Variants in TOM1L1 observed in about 807,000 individuals in gnomAD.
TOM1L1 encodes TOM1-like protein 1.
A neutral mutation model predicts 63.4 loss-of-function variants in TOM1L1; 64 were observed. The ratio of observed to expected loss-of-function variants is 1.01; its 90% CI spans 0.83 to 1.24. The LOEUF is 1.24. TOM1L1 is among the 50% of genes most tolerant of loss of function. The pLI is 0.00. For missense variants in TOM1L1, 536 were observed against 567.0 expected (o/e 0.95, Z 0.55); for synonymous variants, 166 against 194.4 (o/e 0.85, Z 1.22).
intron 14 of TOM1L1, chr17:54,957,267 T>G (rs17817877): frequency 6.6e-6 from 1 of 152,130 alleles, no homozygotes; most frequent in Admixed American, 6.5e-5. Context: ...GAGCAGATGT[T>G]AAGGGACTTA....
rs1412548202 is a variant in TOM1L1 at position 54,937,183 on chromosome 17, T to G, written c.990T>G (p.Thr330=). The G allele has an allele frequency of 1.2e-6, 2 of 1,613,618 alleles. No homozygotes were observed. The highest frequency in any genetic ancestry group is 2.7e-5 in the African/African-American group (2 of 74,786). The part of the protein sequence containing the change: ...LSPSPRMPRA[T]LGELNTMNNQ... ...CCAGTCCCCGGATGCCTAGGGCCAC[T>G]CTGGGAGAACTCAACACCATGAATA... The change falls in exon 10 of 16, where the codon ACT becomes ACG. Residue 330 remains threonine (T), a synonymous_variant. Coordinates refer to ENST00000575882, the MANE Select transcript of TOM1L1 (RefSeq NM_005486.3).
intron 8 of TOM1L1, among the ~76,000 whole-genome samples, chr17:54,933,519 G>GT (rs2048898410): frequency 6.6e-6 from 1 of 152,086 alleles, no homozygotes; most frequent in Non-Finnish European, 1.5e-5. Flanking sequence ...GCACAGCTTG[G>GT]TTTTTTGTTT....
chr17:54,926,109 C>G (rs1411776891), intron 7 of TOM1L1, among the ~76,000 whole-genome samples: 1 of 152,196 alleles, frequency 6.6e-6, no homozygotes, highest in Non-Finnish European at 1.5e-5. Context: ...TCCTGAAGCC[C>G]TACTAACTAA....
chr17:54,946,024 C>T (rs11869723), intron 11 of TOM1L1, among the ~76,000 whole-genome samples: 44,781 of 152,032 alleles, frequency 0.29, 6,930 homozygotes, highest in African/African-American at 0.35. Context: ...TTGATTTTAG[C>T]ATGTAAACAA....
chr17:54,914,842 G>T (rs147507810), intron 6 of TOM1L1, 99 bp downstream of exon 6: 5 of 922,170 alleles, frequency 5.4e-6, no homozygotes. Flanking sequence ...TTGAGATGTA[G>T]GTACACTCAT....
chr17:54,950,129 A>G lies in TOM1L1; in HGVS notation c.1370+3A>G. 1 of 1,604,778 alleles carries G rather than the reference A, an allele frequency of 6.2e-7. No homozygotes were observed. Among genetic ancestry groups the G allele is most frequent in the South Asian group, 1.1e-5 (1 of 90,396 alleles). ...TTAGCTCCTGCTGTCACTACAGAGT[A>G]AGTCATTTACAAAATGATTAATTTA... On this transcript the variant is annotated splice_donor_region_variant and intron_variant, in intron 14 of 15. Coordinates refer to ENST00000575882, the MANE Select transcript of TOM1L1 (RefSeq NM_005486.3).
chr17:54,944,293 A>T (rs2049081561), intron 11 of TOM1L1, among the ~76,000 whole-genome samples: 1 of 151,292 alleles, frequency 6.6e-6, no homozygotes, highest in African/African-American at 2.4e-5. Context: ...ACCAAAAAAT[A>T]GAAAAAATTA....
intron 4 of TOM1L1, 58 bp downstream of exon 4, chr17:54,912,873 C>A: frequency 7.3e-7 from 1 of 1,362,370 alleles, no homozygotes. Flanking sequence ...GATTTAATAG[C>A]TTACCTCCTG....
chr17:54,929,974 A>C, intron 7 of TOM1L1, 99 bp from the exon 8 acceptor site: 2 of 1,477,382 alleles, frequency 1.4e-6, no homozygotes, highest in Non-Finnish European at 1.9e-6. Context: ...AGGCTACTTA[A>C]CGTGGAGGTG....
At chr17:54,941,229 A>AT (rs1272704677) in intron 11 of TOM1L1, among the ~76,000 whole-genome samples, 17 of 152,310 alleles carry the variant, frequency 1.1e-4, no homozygotes, top group African/African-American at 3.4e-4. Context: ...GTGGATTTAG[A>AT]TTTTTTAAAA....
intron 8 of TOM1L1, among the ~76,000 whole-genome samples, chr17:54,934,534 C>G (rs2048915351): frequency 6.6e-6 from 1 of 152,162 alleles, no homozygotes; most frequent in African/African-American, 2.4e-5. Flanking sequence ...TATCCATCCA[C>G]TTGCAAAATA....
At chr17:54,955,574 C>G (rs2049458308) in intron 14 of TOM1L1, among the ~76,000 whole-genome samples, 1 of 152,142 alleles carries the variant, frequency 6.6e-6, no homozygotes, top group Non-Finnish European at 1.5e-5. Context: ...AGGCCACAGA[C>G]AAGTAAGAAT....
At chr17:54,905,603 T>C in intron 3 of TOM1L1, 36 bp downstream of exon 3, 1 of 1,295,746 alleles carries the variant, frequency 7.7e-7, no homozygotes, top group South Asian at 1.3e-5. Flanking sequence ...GACTCGAGGA[T>C]TTCTCAAGCT....
At chr17:54,939,405 G>A (rs1330317157) in intron 11 of TOM1L1, among the ~76,000 whole-genome samples, 2 of 150,948 alleles carry the variant, frequency 1.3e-5, no homozygotes, top group Non-Finnish European at 2.9e-5. Flanking sequence ...ACAGGAGATG[G>A]GGAAGAACAG....
intron 14 of TOM1L1, among the ~76,000 whole-genome samples, chr17:54,959,047 T>C (rs2077037934): frequency 6.6e-6 from 1 of 152,202 alleles, no homozygotes; most frequent in Non-Finnish European, 1.5e-5. Flanking sequence ...TCAAGACATT[T>C]AATGTATTAA....
chr17:54,910,364 G>A (rs1466714577), intron 3 of TOM1L1, among the ~76,000 whole-genome samples: 2 of 152,196 alleles, frequency 1.3e-5, no homozygotes, highest in Non-Finnish European at 2.9e-5. Context: ...GCCGAGGCAT[G>A]AGAATCACCT....
intron 2 of TOM1L1, 51 bp downstream of exon 2, chr17:54,903,843 A>C: frequency 6.7e-6 from 10 of 1,496,080 alleles, no homozygotes; most frequent in Non-Finnish European, 8.3e-6. Flanking sequence ...AAGCATCAGA[A>C]CTACAGCACG....
intron 3 of TOM1L1, among the ~76,000 whole-genome samples, chr17:54,911,304 T>A (rs2048493093): frequency 6.6e-6 from 1 of 152,186 alleles, no homozygotes; most frequent in African/African-American, 2.4e-5. Flanking sequence ...TCCTTGGATT[T>A]TCGTTGGCCC....
At chr17:54,937,819 TAGCA>T (rs1228532322) in intron 10 of TOM1L1, 15 of 134,784 alleles carry the variant, frequency 1.1e-4, no homozygotes, top group African/African-American at 2.7e-4. Flanking sequence ...AAATGCATTG[TAGCA>T]AAGCTTACAA....
Sources: gnomAD v4.1 joint callset for allele counts (sites outside exome capture counted in the v4.1 genomes callset) on GRCh38, gnomAD v4.1.1 for gene constraint, MANE v1.5 for transcripts, NCBI Gene and HGNC (gene_info 2026-07-23, HGNC 2026-07-21) for gene names.